Variants in OSBPL10 observed in about 807,000 individuals in gnomAD.
OSBPL10 encodes the protein oxysterol-binding protein-related protein 10.
OSBPL10 carries 49 observed loss-of-function variants against 81.7 expected under a neutral mutation model. That is an observed-to-expected ratio of 0.60 (90% CI 0.48 to 0.76). The LOEUF is 0.76. OSBPL10 is among the 30% of genes least tolerant of loss of function. The pLI is 0.00. For missense variants in OSBPL10, 923 were observed against 987.8 expected (o/e 0.93, Z 0.88); for synonymous variants, 419 against 383.6 (o/e 1.09, Z -1.08).
chr3:31,988,836 C>G, intron 2 of OSBPL10: 1 of 558,668 alleles, frequency 1.8e-6, no homozygotes, highest in East Asian at 3.0e-5. Context: ...CCAGTCAAGC[C>G]TTGAGATGAC....
intron 2 of OSBPL10, chr3:32,030,826 ATAAGAT>A: frequency 1.9e-6 from 1 of 540,312 alleles, no homozygotes; most frequent in Non-Finnish European, 3.3e-6. Flanking sequence ...CAAGGGAATG[ATAAGAT>A]TACATGAAAT....
chr3:31,683,789 T>C lies in OSBPL10; in HGVS notation c.1571A>G (p.Tyr524Cys), dbSNP rs1287031228. The change falls in exon 8 of 12, where the codon TAC (tyrosine) becomes TGC (cysteine). Residue 524 changes from tyrosine (Y) to cysteine (C), a missense_variant. By Grantham distance (194) the Tyr-to-Cys change is radical (BLOSUM62 -2). This residue lies in a region of OSBPL10 where 387 missense variants were observed against 436.3 expected (regional missense o/e 0.89). Coordinates refer to ENST00000396556, the MANE Select transcript of OSBPL10 (RefSeq NM_017784.5). ...HPMADDPSKS[Y>C]KLRFVAEQVS... ...TTGCTCAGCCACAAACCTTAGTTTG[T>C]AGCTTTTGGAAGGGTCATCGGCCAT... 2.5e-6 allele frequency: 4 copies of C among 1,614,098 alleles called. No homozygotes were observed. The highest frequency in any genetic ancestry group is 1.6e-4 in the Middle Eastern group (1 of 6,084).
At chr3:32,024,842 A>G (rs1055716645) in intron 2 of OSBPL10, among the ~76,000 whole-genome samples, 2 of 152,140 alleles carry the variant, frequency 1.3e-5, no homozygotes, top group Non-Finnish European at 2.9e-5. Context: ...TTAGCTTTGT[A>G]TATTGCTTTT....
At chr3:32,027,687 A>G (rs545313467) in intron 2 of OSBPL10, among the ~76,000 whole-genome samples, 18 of 152,228 alleles carry the variant, frequency 1.2e-4, no homozygotes, top group African/African-American at 4.3e-4. Context: ...CAGGCTATTT[A>G]TGGCTATGAA....
At chr3:31,685,366 C>A (rs1233023962) in intron 7 of OSBPL10, among the ~76,000 whole-genome samples, 1 of 152,146 alleles carries the variant, frequency 6.6e-6, no homozygotes, top group East Asian at 1.9e-4. Context: ...CCATACCCAG[C>A]TAATTTTCTT....
At chr3:31,833,347 C>G (rs553387930) in intron 3 of OSBPL10, among the ~76,000 whole-genome samples, 1 of 152,194 alleles carries the variant, frequency 6.6e-6, no homozygotes, top group East Asian at 1.9e-4. Flanking sequence ...TTTAAGTTTT[C>G]TCATTAAACA....
intron 4 of OSBPL10, among the ~76,000 whole-genome samples, chr3:31,788,196 GT>G (rs1177844145): frequency 6.6e-6 from 1 of 152,158 alleles, no homozygotes; most frequent in Non-Finnish European, 1.5e-5. Context: ...CCCTGGCAGG[GT>G]TACAAGAAAT....
At chr3:31,874,556 G>T (rs867523593) in intron 3 of OSBPL10, among the ~76,000 whole-genome samples, 1 of 152,060 alleles carries the variant, frequency 6.6e-6, no homozygotes, top group South Asian at 2.1e-4. Flanking sequence ...AACAAGTGAA[G>T]GATATAAATT....
chr3:31,880,837 G>C (rs895825157), intron 1 of OSBPL10, among the ~76,000 whole-genome samples: 1 of 152,152 alleles, frequency 6.6e-6, no homozygotes, highest in Non-Finnish European at 1.5e-5. Flanking sequence ...CCTGCATTTG[G>C]CTTTGTTTCA....
intron 4 of OSBPL10, among the ~76,000 whole-genome samples, chr3:31,808,247 A>G (rs1441324083): frequency 6.6e-6 from 1 of 152,144 alleles, no homozygotes; most frequent in Non-Finnish European, 1.5e-5. Flanking sequence ...AGGGGGAGAA[A>G]GGACGAGGCA....
intron 4 of OSBPL10, among the ~76,000 whole-genome samples, chr3:31,822,849 G>A (rs573543809): frequency 3.5e-5 from 5 of 141,190 alleles, no homozygotes; most frequent in African/African-American, 1.3e-4. Context: ...AGGAGTTGGA[G>A]GTTGCAATGA....
At chr3:31,986,784 G>T (rs960566453) in intron 2 of OSBPL10, among the ~76,000 whole-genome samples, 1 of 152,080 alleles carries the variant, frequency 6.6e-6, no homozygotes, top group South Asian at 2.1e-4. Context: ...GCTGAGATGG[G>T]AGGATTGCCC....
chr3:31,991,018 G>A, intron 2 of OSBPL10: 1 of 1,522,482 alleles, frequency 6.6e-7, no homozygotes, highest in Non-Finnish European at 8.8e-7. Flanking sequence ...TCATTCCTGA[G>A]ATAATTGTTC....
At chr3:31,829,984 T>C (rs1700196910) in intron 4 of OSBPL10, 56 bp downstream of exon 4, 1 of 1,505,392 alleles carries the variant, frequency 6.6e-7, no homozygotes, top group Admixed American at 2.1e-5. Context: ...GCAGAGCGAC[T>C]GTCACAGCCC....
chr3:31,688,283 T>TCACACACA lies in OSBPL10; in HGVS notation c.1246-4177_1246-4170dup, dbSNP rs55643097. Among the ~76,000 whole-genome samples the TCACACACA allele has an allele frequency of 9.3e-3, 1,075 of 115,434 alleles. 21 individuals carry two copies. Among genetic ancestry groups the TCACACACA allele is most frequent in the African/African-American group, 0.03 (912 of 30,188 alleles). 75.7% of individuals were successfully genotyped at this position (115,434 alleles called of 152,430 possible). ...CTGCACAAATCTCTCTCTCTCTCTC[T>TCACACACA]CACACACACACACACACACACACAC... is the stretch of plus-strand genomic sequence containing the variant. On this transcript the variant is annotated intron_variant, in intron 7 of 11. Transcript: ENST00000396556.
intron 1 of OSBPL10, among the ~76,000 whole-genome samples, chr3:31,946,772 G>A (rs1697714332): frequency 6.6e-6 from 1 of 152,200 alleles, no homozygotes; most frequent in South Asian, 2.1e-4. Context: ...GACTTCCTTT[G>A]GAGGTCACAG....
chr3:31,828,565 C>T, intron 4 of OSBPL10, among the ~76,000 whole-genome samples: 1 of 152,224 alleles, frequency 6.6e-6, no homozygotes, highest in East Asian at 1.9e-4. Flanking sequence ...CACAGTCTCA[C>T]TCTGCTGCCC....
intron 2 of OSBPL10, chr3:32,030,201 G>T: frequency 8.2e-6 from 2 of 242,502 alleles, no homozygotes; most frequent in South Asian, 1.3e-4. Flanking sequence ...CCAAAATGAC[G>T]AACGCCAAGG....
chr3:31,886,985 G>C (rs527418334), intron 1 of OSBPL10, among the ~76,000 whole-genome samples: 38 of 151,422 alleles, frequency 2.5e-4, no homozygotes, highest in Non-Finnish European at 4.3e-4. Flanking sequence ...GTTACTACCT[G>C]ACTCTTCCAG....
Sources: allele counts gnomAD v4.1 joint callset (sites outside exome capture counted in the v4.1 genomes callset), GRCh38; gene constraint gnomAD v4.1.1; regional missense constraint gnomAD v4.1.1; transcripts MANE v1.5; gene names NCBI Gene and HGNC (gene_info 2026-07-23, HGNC 2026-07-21).